Variants in RNF216 observed in about 807,000 individuals in gnomAD.
RNF216 encodes E3 ubiquitin-protein ligase RNF216.
A neutral mutation model predicts 110.8 loss-of-function variants in RNF216; 72 were observed. The observed-to-expected ratio is 0.65, with a 90% CI of 0.54 to 0.79. The LOEUF (loss-of-function observed/expected upper bound fraction) is 0.79, where lower values mean the gene tolerates loss of function less well. Ranked by LOEUF, RNF216 falls within the 30% of genes least tolerant of loss-of-function variation. RNF216 has a pLI of 0.00. For synonymous variants in RNF216, 495 were observed against 407.5 expected, an observed-to-expected ratio of 1.21 and a Z score of -2.59; for missense variants, 1,342 against 1,141.2, an observed-to-expected ratio of 1.18 and a Z score of -2.54.
chr7:5,639,691 C>T (rs1787613950), intron 15 of RNF216, among the ~76,000 whole-genome samples: 3 of 151,998 alleles, frequency 2.0e-5, no homozygotes, highest in Admixed American at 6.6e-5. Flanking sequence ...AACTCCTGAC[C>T]TCAGGTGATC....
intron 2 of RNF216, among the ~76,000 whole-genome samples, chr7:5,754,119 GGTGTGTGTGTGTGTGTGTGTGT>G (rs10543449): frequency 1.4e-5 from 2 of 141,998 alleles, no homozygotes; most frequent in African/African-American, 2.7e-5. Context: ...TCTTTTGTGT[GGTGTGTGTGTGTGTGTGTGTGT>G]GTGTGTGTGT....
intron 1 of RNF216, among the ~76,000 whole-genome samples, chr7:5,769,721 AAAAAAAAG>A (rs886547168): frequency 4.7e-5 from 7 of 150,438 alleles, no homozygotes; most frequent in Non-Finnish European, 3.0e-5. Context: ...GAGCTGTCTC[AAAAAAAAG>A]AAAAAAAGAA....
chr7:5,745,349 T>C (rs1360231713), intron 3 of RNF216, among the ~76,000 whole-genome samples: 9 of 152,238 alleles, frequency 5.9e-5, no homozygotes, highest in Admixed American at 5.9e-4. Flanking sequence ...ACTAAAGAAA[T>C]GGTATCTAAA....
At chr7:5,697,298 G>A (rs1458884811) in intron 13 of RNF216, among the ~76,000 whole-genome samples, 1 of 152,220 alleles carries the variant, frequency 6.6e-6, no homozygotes, top group African/African-American at 2.4e-5. Flanking sequence ...CCCACTGATG[G>A]TCAGTTAGGG....
At chr7:5,633,031 G>C (rs10269041) in intron 15 of RNF216, among the ~76,000 whole-genome samples, 2 of 151,942 alleles carry the variant, frequency 1.3e-5, no homozygotes, top group African/African-American at 4.8e-5. Flanking sequence ...CCAGGCTGGA[G>C]TGCAGTGGTG....
At chr7:5,746,456 G>C (rs987256643) in intron 3 of RNF216, among the ~76,000 whole-genome samples, 1 of 152,164 alleles carries the variant, frequency 6.6e-6, no homozygotes, top group Non-Finnish European at 1.5e-5. Flanking sequence ...CAGTTTTAAA[G>C]CTAACTGATA....
chr7:5,744,262 T>C (rs181890573), intron 3 of RNF216, among the ~76,000 whole-genome samples: 42 of 152,370 alleles, frequency 2.8e-4, no homozygotes, highest in Admixed American at 1.6e-3. Flanking sequence ...TATGGATATA[T>C]AGCATTTTAA....
chr7:5,768,823 G>A (rs189391100), intron 1 of RNF216, among the ~76,000 whole-genome samples: 15 of 150,922 alleles, frequency 9.9e-5, no homozygotes, highest in East Asian at 4.0e-4. Flanking sequence ...CACCACGCCC[G>A]GCTATTTTTT....
At chr7:5,646,713 A>T (rs1350563792) in intron 14 of RNF216, among the ~76,000 whole-genome samples, 1 of 151,248 alleles carries the variant, frequency 6.6e-6, no homozygotes, top group African/African-American at 2.4e-5. Context: ...AAAGAAAGTT[A>T]TTTTTGTAAA....
In RNF216 at chr7:5,712,682, T is replaced by G. The variant is rs746457488; in HGVS notation, c.1982+33A>C. On this transcript the variant is annotated intron_variant, in intron 12 of 16. Coordinates refer to ENST00000389902, the MANE Select transcript of RNF216 (RefSeq NM_207111.4). ...AGGTAGTTTTCACAATGGGGAAGAG[T>G]TGGCAGATGGCACGCTCTGCCTGAG... 8.7e-6 allele frequency: 14 copies of G among 1,611,678 alleles called. No homozygotes were observed. The African/African-American group carries it at 9.4e-5, about 11-fold the overall frequency.
Position 5,622,364 on chromosome 7 carries a change from C to T in RNF216, c.*496G>A, listed in dbSNP as rs1007311948. ...TTGGATGGGGGGACAGCATCTTGGC[C>T]CTCACAGCTGTGGCAGTGCCTCTGC... is the stretch of plus-strand genomic sequence containing the variant. On this transcript the variant is annotated 3_prime_UTR_variant, in exon 17 of 17. Transcript: ENST00000389902. 1.4e-4 allele frequency: 22 copies of T among 156,264 alleles called. No individual in the cohort carries two copies. The highest frequency in any genetic ancestry group is 5.3e-4 in the African/African-American group (22 of 41,708). The allele number at this position is 156,264 out of a possible 1,614,324, so 9.7% of individuals were successfully genotyped here.
chr7:5,773,246 A>G (rs1464011181), intron 1 of RNF216, among the ~76,000 whole-genome samples: 1 of 144,548 alleles, frequency 6.9e-6, no homozygotes, highest in African/African-American at 2.5e-5. Flanking sequence ...CCCAAATAAG[A>G]TTTTTTTTTT....
chr7:5,753,822 C>T (rs1795459378), intron 2 of RNF216, among the ~76,000 whole-genome samples: 1 of 151,982 alleles, frequency 6.6e-6, no homozygotes, highest in Non-Finnish European at 1.5e-5. Context: ...CGGTGAAACA[C>T]CGTCTCTACT....
chr7:5,656,356 T>C (rs1014863564), intron 13 of RNF216, among the ~76,000 whole-genome samples: 1 of 152,126 alleles, frequency 6.6e-6, no homozygotes, highest in Non-Finnish European at 1.5e-5. Flanking sequence ...CATTCTTCAA[T>C]CTGTGGTTTA....
At chr7:5,636,783 AC>A (rs1787421905) in intron 15 of RNF216, among the ~76,000 whole-genome samples, 1 of 152,194 alleles carries the variant, frequency 6.6e-6, no homozygotes, top group Admixed American at 6.5e-5. Context: ...TTCCTTTCAA[AC>A]TTTATTTTGA....
chr7:5,657,192 T>C (rs566246660), intron 13 of RNF216, among the ~76,000 whole-genome samples: 9 of 152,370 alleles, frequency 5.9e-5, no homozygotes, highest in African/African-American at 2.2e-4. Context: ...GAGAAGTCAC[T>C]GACATGCCAC....
intron 2 of RNF216, among the ~76,000 whole-genome samples, chr7:5,760,122 G>A (rs1332291459): frequency 1.3e-5 from 2 of 152,128 alleles, no homozygotes; most frequent in East Asian, 1.9e-4. Context: ...GTGTAAATGT[G>A]AATTCGAATT....
intron 3 of RNF216, among the ~76,000 whole-genome samples, chr7:5,747,739 T>C: frequency 2.9e-5 from 2 of 69,012 alleles, no homozygotes; most frequent in African/African-American, 5.5e-5. Context: ...AACAGGAGAC[T>C]CCATCTCAAA....
chr7:5,663,947 T>C (rs1329931793), intron 13 of RNF216, among the ~76,000 whole-genome samples: 1 of 152,032 alleles, frequency 6.6e-6, no homozygotes, highest in Non-Finnish European at 1.5e-5. Flanking sequence ...AAAAGTTCAC[T>C]TGAGTGCCTA....
Sources: gnomAD v4.1 joint callset for allele counts (sites outside exome capture counted in the v4.1 genomes callset) on GRCh38, gnomAD v4.1.1 for gene constraint, MANE v1.5 for transcripts, NCBI Gene and HGNC (gene_info 2026-07-23, HGNC 2026-07-21) for gene names.